The following SEH1L variants were observed in gnomAD, a reference collection of about 807,000 sequenced individuals.
SEH1L encodes nucleoporin SEH1.
A neutral mutation model predicts 49.5 loss-of-function variants in SEH1L; 18 were observed. The observed-to-expected ratio is 0.36, with a 90% CI of 0.25 to 0.54. SEH1L has a LOEUF of 0.54. Among genes scored for constraint, SEH1L ranks in the 20% least tolerant of loss-of-function variants. SEH1L has a pLI of 0.87. For synonymous variants in SEH1L, 169 were observed against 178.1 expected, an observed-to-expected ratio of 0.95 and a Z score of 0.41; for missense variants, 404 against 528.8, an observed-to-expected ratio of 0.76 and a Z score of 2.31.
intron 3 of SEH1L, among the ~76,000 whole-genome samples, chr18:12,956,193 C>T (rs1233209455): frequency 7.9e-5 from 12 of 151,850 alleles, no homozygotes; most frequent in African/African-American, 2.2e-4. Flanking sequence ...TACAGGCGCC[C>T]GCCACCACGC....
At chr18:12,960,768 T>C (rs1445386408) in intron 3 of SEH1L, among the ~76,000 whole-genome samples, 1 of 152,220 alleles carries the variant, frequency 6.6e-6, no homozygotes, top group Non-Finnish European at 1.5e-5. Flanking sequence ...AAGATACTTA[T>C]TTGTATTTAG....
In SEH1L at chr18:12,975,803, G is replaced by T. The variant is rs138005192; in HGVS notation, c.621-2949G>T. ...GATGAATGCAGTAGCCCACTATGAT[G>T]TGGAATGAGGACATGCACTGTGGCG... On this transcript the variant is annotated intron_variant, in intron 5 of 8. Coordinates refer to ENST00000399892, the MANE Select transcript of SEH1L (RefSeq NM_001013437.2). 4.6e-5 allele frequency: 45 copies of T among 986,116 alleles called. No homozygotes were observed. The African/African-American group carries it at 6.4e-4, about 14-fold the overall frequency. The allele number at this position is 986,116 out of a possible 1,614,324, so 61.1% of individuals were successfully genotyped here.
At chr18:12,982,146 G>A (rs1242038107) in intron 6 of SEH1L, among the ~76,000 whole-genome samples, 1 of 152,190 alleles carries the variant, frequency 6.6e-6, no homozygotes, top group Non-Finnish European at 1.5e-5. Flanking sequence ...GATTACAGGT[G>A]TGAGCAACTG....
At chr18:12,951,793 T>G (rs143847623) in intron 1 of SEH1L, 62 bp from the exon 2 acceptor site, 1 of 978,774 alleles carries the variant, frequency 1.0e-6, no homozygotes, top group Non-Finnish European at 1.6e-6. Flanking sequence ...TTCAGTCTTA[T>G]AGTTTTTGTA....
intron 2 of SEH1L, 88 bp downstream of exon 2, chr18:12,951,993 C>G: frequency 1.4e-6 from 1 of 723,744 alleles, no homozygotes. Flanking sequence ...GAGAAAATAA[C>G]ATTTATACAG....
chr18:12,970,364 C>T (rs1046326119), intron 4 of SEH1L, among the ~76,000 whole-genome samples: 24 of 152,258 alleles, frequency 1.6e-4, no homozygotes, highest in African/African-American at 5.3e-4. Context: ...ACGTGGGGAT[C>T]GTGACTTCTG....
At chr18:12,972,267 G>A (rs761129810) in intron 5 of SEH1L, 1 of 152,212 alleles carries the variant, frequency 6.6e-6, no homozygotes. Context: ...TGAGGAAGAA[G>A]GGGGAAGGTG....
chr18:12,979,714 C>A (rs1342923963), intron 6 of SEH1L, among the ~76,000 whole-genome samples: 1 of 150,372 alleles, frequency 6.7e-6, no homozygotes, highest in Non-Finnish European at 1.5e-5. Flanking sequence ...CCCCCACCTC[C>A]CTCCCGGACG....
chr18:12,977,601 G>C lies in SEH1L; in HGVS notation c.621-1151G>C, dbSNP rs1404382830. 2.0e-5 allele frequency: 3 copies of C among 152,228 alleles called. No homozygotes were observed. In the East Asian group the frequency reaches 5.8e-4, roughly 30 times the overall value. The allele number at this position is 152,228 out of a possible 1,614,324, so 9.4% of individuals were successfully genotyped here. On this transcript the variant is annotated intron_variant, in intron 5 of 8. Coordinates refer to ENST00000399892, the MANE Select transcript of SEH1L (RefSeq NM_001013437.2). ...TAGCCAGGCGTAGTGGTGCACGCTT[G>C]TAATCCCAGCTACTCAGGAGGCTGA...
At chr18:12,981,202 C>T (rs868504521) in intron 6 of SEH1L, among the ~76,000 whole-genome samples, 4 of 151,464 alleles carry the variant, frequency 2.6e-5, no homozygotes, top group African/African-American at 4.9e-5. Flanking sequence ...CGGGCAGAGA[C>T]GCTCCTCACT....
intron 4 of SEH1L, among the ~76,000 whole-genome samples, chr18:12,967,573 C>A (rs2031505325): frequency 6.6e-6 from 1 of 152,154 alleles, no homozygotes; most frequent in South Asian, 2.1e-4. Flanking sequence ...CTGCATCAGG[C>A]AACTGGATTT....
intron 6 of SEH1L, among the ~76,000 whole-genome samples, chr18:12,980,064 G>C (rs558797727): frequency 9.8e-6 from 1 of 102,298 alleles, no homozygotes; most frequent in African/African-American, 4.2e-5. Context: ...TGGACGGGGC[G>C]GCTGGCCGGG....
rs2032505035 is a variant in SEH1L, at chr18:12,987,428, T to C, written c.*371T>C. On this transcript the variant is annotated 3_prime_UTR_variant, in exon 9 of 9. Coordinates refer to ENST00000399892, the MANE Select transcript of SEH1L (RefSeq NM_001013437.2). ...TGTGAAAGCATAATATTATGAAGTT[T>C]ATTCTGCCTTATGAGACCTTAAAAA... 1 of 155,590 alleles carries C rather than the reference T, an allele frequency of 6.4e-6. No homozygotes were observed. The highest frequency in any genetic ancestry group is 2.0e-4 in the South Asian group (1 of 4,900). 9.6% of individuals were successfully genotyped at this position (155,590 alleles called of 1,614,324 possible). A position where few individuals can be genotyped will look rare whatever the true frequency, so the allele number is the denominator to read the frequency against.
In SEH1L at chr18:12,987,007, C is replaced by G. The variant is rs776918239; in HGVS notation, c.1216C>G (p.Arg406Gly). ...CCTCCAGTATCCTCACCCTCGCAGA[C>G]GATATCTCTCTCGGCCTCTTAATCC... Reference protein sequence around the residue: ...ANLQYPHPRRRYLSRPLNPLP... With the variant: ...ANLQYPHPRRGYLSRPLNPLP... The change falls in exon 9 of 9, where the codon CGA becomes GGA. Residue 406 changes from arginine (R) to glycine (G), a missense_variant. By Grantham distance (125) the Arg-to-Gly change is moderately radical. This residue lies in a region of SEH1L where 342 missense variants were observed against 430.8 expected (regional missense o/e 0.79). Transcript: ENST00000399892. The G allele has an allele frequency of 6.2e-7, 1 of 1,613,430 alleles. No homozygotes were observed. The highest frequency in any genetic ancestry group is 1.1e-5 in the South Asian group (1 of 91,024).
chr18:12,963,467 T>G, intron 4 of SEH1L, 96 bp downstream of exon 4: 2 of 968,864 alleles, frequency 2.1e-6, no homozygotes, highest in Non-Finnish European at 3.2e-6. Context: ...CAAAGGTGCT[T>G]CTTCTCAAGA....
chr18:12,953,198 A>G (rs1183729720), intron 2 of SEH1L, among the ~76,000 whole-genome samples: 2 of 151,992 alleles, frequency 1.3e-5, no homozygotes, highest in African/African-American at 4.8e-5. Flanking sequence ...TCATGTGTCA[A>G]TTTGTTCCTT....
intron 4 of SEH1L, among the ~76,000 whole-genome samples, chr18:12,966,687 CCACTG>C (rs1253363208): frequency 3.3e-5 from 5 of 152,198 alleles, no homozygotes; most frequent in Non-Finnish European, 5.9e-5. Flanking sequence ...CAGGCATGAG[CCACTG>C]CACTTGGCCA....
At chr18:12,952,499 G>C (rs1308055858) in intron 2 of SEH1L, among the ~76,000 whole-genome samples, 2 of 151,886 alleles carry the variant, frequency 1.3e-5, no homozygotes, top group Non-Finnish European at 2.9e-5. Flanking sequence ...CAAAGTGCTG[G>C]GTTTATAGGC....
chr18:12,969,139 G>A (rs894840031), intron 4 of SEH1L, among the ~76,000 whole-genome samples: 8 of 149,966 alleles, frequency 5.3e-5, no homozygotes, highest in Non-Finnish European at 1.2e-4. Flanking sequence ...AACCTGGGAG[G>A]TAGAGGTTGC....
Sources: gnomAD v4.1 joint callset for allele counts (sites outside exome capture counted in the v4.1 genomes callset) on GRCh38, gnomAD v4.1.1 for gene constraint, gnomAD v4.1.1 regional missense constraint, MANE v1.5 for transcripts, NCBI Gene and HGNC (gene_info 2026-07-23, HGNC 2026-07-21) for gene names.